The following TENM3 variants were observed in gnomAD, a reference collection of about 807,000 sequenced individuals.
TENM3 encodes teneurin transmembrane protein 3.
In TENM3, 63 loss-of-function variants were observed where a neutral mutation model predicts 255.1. The ratio of observed to expected loss-of-function variants is 0.25; its 90% confidence interval spans 0.20 to 0.30. The LOEUF is 0.30. Among genes scored for constraint, TENM3 ranks in the 10% least tolerant of loss-of-function variants. The pLI is 1.00. For missense variants in TENM3, 2,929 were observed against 3,461.1 expected (o/e 0.85, Z 3.86); for synonymous variants, 1,306 against 1,322.3 (o/e 0.99, Z 0.27).
chr4:181,676,657 G>A, the TENM3 span, among the ~76,000 whole-genome samples: 1 of 151,974 alleles, frequency 6.6e-6, no homozygotes, highest in Non-Finnish European at 1.5e-5. Flanking sequence ...CTAACTATAA[G>A]TCAGAAACTC....
In TENM3 at chr4:182,802,397, G is replaced by T. The variant is rs1272762243; in HGVS notation, c.*2046G>T. ...TTTCCATTTTATTTTTTAACTGTTA[G>T]GTATTTGCAGTTCTGTTCCGTGGAA... On this transcript the variant is annotated 3_prime_UTR_variant, in exon 28 of 28. Transcript: ENST00000511685. 6.6e-6 allele frequency: 1 copy of T among 152,570 alleles called. No individual in the cohort carries two copies. The allele number at this position is 152,570 out of a possible 1,614,324, so 9.5% of individuals were successfully genotyped here. A position where few individuals can be genotyped will look rare whatever the true frequency, so the allele number is the denominator to read the frequency against.
intron 3 of TENM3, among the ~76,000 whole-genome samples, chr4:182,373,750 A>G (rs1438775952): frequency 6.6e-6 from 1 of 152,124 alleles, no homozygotes; most frequent in Non-Finnish European, 1.5e-5. Context: ...GAAGGGCATA[A>G]TTTCTTGCCT....
chr4:181,543,348 G>A, the TENM3 span, among the ~76,000 whole-genome samples: 1 of 152,056 alleles, frequency 6.6e-6, no homozygotes, highest in Non-Finnish European at 1.5e-5. Flanking sequence ...GGGAGGGGAA[G>A]AGGAGGAGGA....
chr4:182,182,274 G>GA (rs1752890764), intron 1 of TENM3, among the ~76,000 whole-genome samples: 1 of 152,278 alleles, frequency 6.6e-6, no homozygotes, highest in Admixed American at 6.5e-5. Context: ...ATTTCATTCT[G>GA]ATTTTGGGTG....
the TENM3 span, among the ~76,000 whole-genome samples, chr4:181,835,701 G>T: frequency 1.3e-5 from 2 of 152,130 alleles, no homozygotes; most frequent in Non-Finnish European, 2.9e-5. Context: ...ACGTGATGAG[G>T]CTTGCATGTT....
intron 3 of TENM3, among the ~76,000 whole-genome samples, chr4:182,380,993 G>A (rs1264416345): frequency 6.6e-6 from 1 of 152,170 alleles, no homozygotes; most frequent in Non-Finnish European, 1.5e-5. Context: ...ATGGTCACCC[G>A]CTCTTATTTC....
chr4:182,083,770 T>C, the TENM3 span, among the ~76,000 whole-genome samples: 1,509 of 152,348 alleles, frequency 9.9e-3, 24 homozygotes, highest in African/African-American at 0.034. Flanking sequence ...AGTAACTGCA[T>C]ATACGTGGCA....
intron 1 of TENM3, among the ~76,000 whole-genome samples, chr4:182,306,929 G>A (rs1762169444): frequency 6.6e-6 from 1 of 152,184 alleles, no homozygotes; most frequent in African/African-American, 2.4e-5. Context: ...TAAAGTCATA[G>A]CTGGATCTTT....
chr4:182,769,874 G>A (rs1764041063), intron 22 of TENM3, among the ~76,000 whole-genome samples: 3 of 152,114 alleles, frequency 2.0e-5, no homozygotes, highest in Non-Finnish European at 4.4e-5. Context: ...GGAGGCCGAG[G>A]CAGGTGGATC....
At chr4:181,783,616 T>C in the TENM3 span, among the ~76,000 whole-genome samples, 1 of 152,250 alleles carries the variant, frequency 6.6e-6, no homozygotes, top group Non-Finnish European at 1.5e-5. Flanking sequence ...TTAATTTTTA[T>C]ATTAATTGGA....
the TENM3 span, among the ~76,000 whole-genome samples, chr4:181,476,911 T>C: frequency 6.6e-6 from 1 of 152,232 alleles, no homozygotes; most frequent in Admixed American, 6.5e-5. Context: ...GCAATCCTAA[T>C]AGCTCATGTA....
chr4:182,272,224 G>A (rs1205170937), intron 1 of TENM3, among the ~76,000 whole-genome samples: 1 of 152,084 alleles, frequency 6.6e-6, no homozygotes, highest in Admixed American at 6.6e-5. Context: ...CTTAACTATA[G>A]GTCATTAATC....
chr4:182,325,983 G>A (rs1487211825), intron 2 of TENM3, among the ~76,000 whole-genome samples: 1 of 152,096 alleles, frequency 6.6e-6, no homozygotes, highest in Admixed American at 6.5e-5. Context: ...ACAACCCGGC[G>A]GTAGCATTTG....
At chr4:182,357,610 G>C (rs1765649147) in intron 3 of TENM3, among the ~76,000 whole-genome samples, 1 of 148,316 alleles carries the variant, frequency 6.7e-6, no homozygotes, top group South Asian at 2.2e-4. Flanking sequence ...GTAGATTCTG[G>C]ATATTAGCCC....
the TENM3 span, among the ~76,000 whole-genome samples, chr4:182,012,354 T>C: frequency 3.3e-4 from 50 of 152,230 alleles, no homozygotes; most frequent in Non-Finnish European, 5.9e-4. Context: ...CAGTACTTAA[T>C]ATTTCCTTAT....
chr4:181,791,914 T>C, the TENM3 span, among the ~76,000 whole-genome samples: 6 of 152,334 alleles, frequency 3.9e-5, no homozygotes, highest in Admixed American at 2.6e-4. Flanking sequence ...ATTTATTTAA[T>C]AGGCAAAATT....
the TENM3 span, among the ~76,000 whole-genome samples, chr4:181,962,201 A>G: frequency 6.6e-6 from 1 of 152,268 alleles, no homozygotes; most frequent in East Asian, 1.9e-4. Flanking sequence ...ATTTTAAGTT[A>G]TTCTAGTTGC....
the TENM3 span, among the ~76,000 whole-genome samples, chr4:181,526,487 G>T: frequency 1.9e-3 from 289 of 152,268 alleles, no homozygotes; most frequent in African/African-American, 6.5e-3. Context: ...GAAATGTAAA[G>T]CTCAGCCAAA....
intron 3 of TENM3, among the ~76,000 whole-genome samples, chr4:182,479,051 T>C (rs894266726): frequency 1.3e-5 from 2 of 151,916 alleles, no homozygotes; most frequent in African/African-American, 4.8e-5. Context: ...TTTTTGAAAA[T>C]TGTAGTTGGA....
Sources: allele counts gnomAD v4.1 joint callset (sites outside exome capture counted in the v4.1 genomes callset), GRCh38; gene constraint gnomAD v4.1.1; transcripts MANE v1.5; gene names NCBI Gene and HGNC (gene_info 2026-07-23, HGNC 2026-07-21).